Variants in FMN1 observed in about 807,000 individuals in gnomAD.
The protein encoded by FMN1 is formin 1, also known as formin-1.
A neutral mutation model predicts 132.4 loss-of-function variants in FMN1; 110 were observed. The ratio of observed to expected loss-of-function variants is 0.83; its 90% confidence interval spans 0.71 to 0.97. The LOEUF is 0.97. FMN1 is among the 50% of genes least tolerant of loss of function. The pLI, the probability that FMN1 is intolerant of heterozygous loss-of-function variation, is 0.00. For synonymous variants in FMN1, 722 were observed against 651.7 expected (o/e 1.11, Z -1.64); for missense variants, 1,792 against 1,705.3 (o/e 1.05, Z -0.90).
chr15:32,912,390 G>A (rs1322063906), intron 10 of FMN1, among the ~76,000 whole-genome samples: 5 of 152,234 alleles, frequency 3.3e-5, no homozygotes, highest in Non-Finnish European at 5.9e-5. Context: ...CCTCCATCCA[G>A]CCCTTGAATA....
At chr15:32,986,728 A>G (rs2033093101) in intron 7 of FMN1, among the ~76,000 whole-genome samples, 1 of 152,130 alleles carries the variant, frequency 6.6e-6, no homozygotes, top group African/African-American at 2.4e-5. Context: ...CTTGGAAAAG[A>G]TCAGATCTCA....
intron 9 of FMN1, among the ~76,000 whole-genome samples, chr15:32,936,135 T>C (rs1337087834): frequency 1.3e-5 from 2 of 152,216 alleles, no homozygotes; most frequent in African/African-American, 4.8e-5. Flanking sequence ...TTTGTTCATG[T>C]ATCTTTTTCC....
Position 32,823,152 on chromosome 15 carries a change from G to GTTT in FMN1, c.3929-18823_3929-18821dup, listed in dbSNP as rs373185751. Reference sequence around the variant, plus strand: ...GTCTCAAAGACAGAGAGTTTCTACTGTTTTTTTTTTTTTTTTTTTTTTTTT... The same window carrying GTTT: ...GTCTCAAAGACAGAGAGTTTCTACTGTTTTTTTTTTTTTTTTTTTTTTTTTTTT... On this transcript the variant is annotated intron_variant, in intron 17 of 20. Coordinates refer to ENST00000616417, the MANE Select transcript of FMN1 (RefSeq NM_001277313.2). Among the ~76,000 whole-genome samples, 816 of 86,130 alleles carry GTTT rather than the reference G, an allele frequency of 9.5e-3. 164 individuals are homozygous for GTTT. Among genetic ancestry groups the GTTT allele is most frequent in the African/African-American group, 0.039 (719 of 18,662 alleles). 56.5% of individuals were successfully genotyped at this position (86,130 alleles called of 152,430 possible). A position where few individuals can be genotyped will look rare whatever the true frequency, so the allele number is the denominator to read the frequency against.
chr15:33,026,441 TCTG>T (rs1318643518), intron 6 of FMN1, among the ~76,000 whole-genome samples: 1 of 59,398 alleles, frequency 1.7e-5, no homozygotes, highest in South Asian at 4.2e-4. Flanking sequence ...CACACACACT[TCTG>T]TTTATAAGAC....
intron 15 of FMN1, 123 bp downstream of exon 15, chr15:32,898,711 G>T: frequency 1.5e-6 from 1 of 645,650 alleles, no homozygotes; most frequent in Non-Finnish European, 2.8e-6. Context: ...TGTAAACCAC[G>T]CTGGAGAGCT....
intron 19 of FMN1, among the ~76,000 whole-genome samples, chr15:32,789,845 C>A (rs1287824808): frequency 6.6e-6 from 1 of 152,156 alleles, no homozygotes; most frequent in Non-Finnish European, 1.5e-5. Context: ...TACACAAATA[C>A]CATTGTGTTA....
chr15:32,809,923 T>TA (rs1405621397), intron 17 of FMN1, among the ~76,000 whole-genome samples: 1 of 150,154 alleles, frequency 6.7e-6, no homozygotes, highest in Non-Finnish European at 1.5e-5. Flanking sequence ...AAATACTTAT[T>TA]TTTTTTTTTC....
intron 4 of FMN1, among the ~76,000 whole-genome samples, chr15:33,123,529 G>A (rs991045536): frequency 6.6e-6 from 1 of 152,018 alleles, no homozygotes; most frequent in African/African-American, 2.4e-5. Context: ...ATAAATACAA[G>A]GCCTAGAATC....
chr15:33,050,267 A>G (rs987236403), intron 6 of FMN1, among the ~76,000 whole-genome samples: 5 of 152,210 alleles, frequency 3.3e-5, no homozygotes, highest in African/African-American at 9.6e-5. Flanking sequence ...GTTAAACTTT[A>G]GGTTGGAAAA....
chr15:32,912,173 GA>G (rs2060577610), intron 10 of FMN1, among the ~76,000 whole-genome samples: 1 of 152,176 alleles, frequency 6.6e-6, no homozygotes, highest in Admixed American at 6.6e-5. Context: ...CTTAACTAAT[GA>G]GAAAGAGAAT....
intron 19 of FMN1, among the ~76,000 whole-genome samples, chr15:32,798,216 A>ACACACACCCCCC (rs1286307994): frequency 2.1e-5 from 3 of 140,876 alleles, no homozygotes; most frequent in African/African-American, 7.8e-5. Flanking sequence ...ACACACACAC[A>ACACACACCCCCC]CCCCGTCTAT....
intron 4 of FMN1, among the ~76,000 whole-genome samples, chr15:33,114,868 T>C (rs910567194): frequency 6.6e-6 from 1 of 152,210 alleles, no homozygotes; most frequent in Admixed American, 6.5e-5. Context: ...CCTCCCTTAT[T>C]TTGCCTATCC....
chr15:32,964,158 C>A lies in FMN1; in HGVS notation c.3087G>T (p.Gln1029His), dbSNP rs373163646. 1.4e-5 allele frequency: 23 copies of A among 1,612,244 alleles called. No homozygotes were observed. The highest frequency in any genetic ancestry group is 2.0e-5 in the Non-Finnish European group (23 of 1,179,096). The change falls in exon 9 of 21, where the codon CAG (glutamine) becomes CAT (histidine). Residue 1029 changes from glutamine to histidine, a missense_variant. Gln to His is a conservative substitution (Grantham distance 24). Coordinates refer to ENST00000616417, the MANE Select transcript of FMN1 (RefSeq NM_001277313.2). The stretch of plus-strand genomic sequence containing the variant: ...AAGTCTCTGACAGAGGTTTTTTCTT[C>A]TGTTGAGTTGTGTCTTTGGAGAATA... ...EYLFSKDTTQ[Q>H]KKKPLSETYE...
chr15:32,997,391 T>C (rs1642597046), intron 7 of FMN1, among the ~76,000 whole-genome samples: 1 of 152,040 alleles, frequency 6.6e-6, no homozygotes. Context: ...GTACAGGTCT[T>C]TGACACAGGA....
chr15:33,053,747 T>C (rs1172456962), intron 6 of FMN1, among the ~76,000 whole-genome samples: 1 of 152,086 alleles, frequency 6.6e-6, no homozygotes, highest in Admixed American at 6.5e-5. Flanking sequence ...TGGAGAGGTA[T>C]AGGTGAAGTC....
chr15:33,127,329 A>G (rs568928949), intron 4 of FMN1, among the ~76,000 whole-genome samples: 1 of 151,918 alleles, frequency 6.6e-6, no homozygotes, highest in South Asian at 2.1e-4. Flanking sequence ...TCCACATTCA[A>G]CCTGGACCCT....
At chr15:33,128,057 G>C (rs986932128) in intron 4 of FMN1, among the ~76,000 whole-genome samples, 3 of 152,130 alleles carry the variant, frequency 2.0e-5, no homozygotes, top group African/African-American at 4.8e-5. Context: ...TCAGGTGACA[G>C]AAAGGACAAA....
intron 17 of FMN1, among the ~76,000 whole-genome samples, chr15:32,844,750 A>G (rs1237605775): frequency 1.3e-5 from 2 of 152,230 alleles, no homozygotes; most frequent in Admixed American, 6.5e-5. Context: ...ACTTGGAACC[A>G]CTGCTATTCG....
intron 4 of FMN1, among the ~76,000 whole-genome samples, chr15:33,130,552 G>T (rs117373021): frequency 0.036 from 5,487 of 152,232 alleles, 148 homozygotes; most frequent in Non-Finnish European, 0.056. Context: ...TTAATTTTAA[G>T]CAATTTTGAT....
Sources: gnomAD v4.1 joint callset for allele counts (sites outside exome capture counted in the v4.1 genomes callset) on GRCh38, gnomAD v4.1.1 for gene constraint, MANE v1.5 for transcripts, NCBI Gene and HGNC (gene_info 2026-07-23, HGNC 2026-07-21) for gene names.